The following DAAM1 variants were observed in gnomAD, a reference collection of about 807,000 sequenced individuals.
DAAM1 encodes the protein dishevelled associated activator of morphogenesis 1.
DAAM1 carries 52 observed loss-of-function variants against 130.0 expected under a neutral mutation model. The ratio of observed to expected loss-of-function variants is 0.40; its 90% CI spans 0.32 to 0.50. DAAM1 has a LOEUF of 0.50. Ranked by LOEUF, DAAM1 falls within the 20% of genes least tolerant of loss-of-function variation. The probability of loss-of-function intolerance (pLI) is 0.61; values close to 1 mark genes in which losing one functional copy is unlikely to be tolerated. For missense variants in DAAM1, 1,134 were observed against 1,303.8 expected, an observed-to-expected ratio of 0.87 and a Z score of 2.01; for synonymous variants, 452 against 444.5, an observed-to-expected ratio of 1.02 and a Z score of -0.21.
At chr14:59,281,320 C>T (rs1555360245) in intron 2 of DAAM1, among the ~76,000 whole-genome samples, 1 of 152,198 alleles carries the variant, frequency 6.6e-6, no homozygotes, top group Non-Finnish European at 1.5e-5. Flanking sequence ...CCCTTGCTCA[C>T]TACCCCCTTA....
At chr14:59,269,342 G>A (rs1370985317) in intron 2 of DAAM1, among the ~76,000 whole-genome samples, 2 of 152,204 alleles carry the variant, frequency 1.3e-5, no homozygotes, top group African/African-American at 4.8e-5. Flanking sequence ...AACATGCACA[G>A]CTCAGTACCT....
At chr14:59,198,745 C>T (rs1000851102) in intron 1 of DAAM1, among the ~76,000 whole-genome samples, 1 of 152,170 alleles carries the variant, frequency 6.6e-6, no homozygotes, top group Admixed American at 6.5e-5. Flanking sequence ...AGTGTTTAAT[C>T]ACACATGTTT....
intron 2 of DAAM1, among the ~76,000 whole-genome samples, chr14:59,269,334 C>G (rs781050959): frequency 6.6e-6 from 1 of 152,196 alleles, no homozygotes; most frequent in Non-Finnish European, 1.5e-5. Flanking sequence ...CTCTTGGGAA[C>G]ATGCACAGCT....
At chr14:59,190,449 G>A (rs1041595513) in intron 1 of DAAM1, among the ~76,000 whole-genome samples, 3 of 152,230 alleles carry the variant, frequency 2.0e-5, no homozygotes, top group African/African-American at 7.2e-5. Flanking sequence ...CATAAAGAGA[G>A]CTCTCTGGTC....
chr14:59,281,277 G>T (rs1594797522), intron 2 of DAAM1, among the ~76,000 whole-genome samples: 3 of 152,152 alleles, frequency 2.0e-5, no homozygotes, highest in Non-Finnish European at 4.4e-5. Context: ...CTGTTCAGTA[G>T]ATAAGACACC....
intron 1 of DAAM1, among the ~76,000 whole-genome samples, chr14:59,234,591 C>G (rs1889229717): frequency 6.6e-6 from 1 of 152,146 alleles, no homozygotes; most frequent in African/African-American, 2.4e-5. Flanking sequence ...ATTTGACTTC[C>G]TCTCTTCCTA....
intron 21 of DAAM1, 25 bp downstream of exon 21, chr14:59,359,529 T>C: frequency 6.4e-7 from 1 of 1,564,114 alleles, no homozygotes; most frequent in Non-Finnish European, 8.8e-7. Context: ...TGAGTGTTAG[T>C]TTCTTAAATC....
chr14:59,244,588 A>G (rs1881280810), intron 1 of DAAM1, among the ~76,000 whole-genome samples: 6 of 152,204 alleles, frequency 3.9e-5, no homozygotes, highest in Admixed American at 3.3e-4. Flanking sequence ...ATGAATGGAA[A>G]TATACAAATT....
chr14:59,284,988 A>T (rs1313591289), intron 2 of DAAM1, among the ~76,000 whole-genome samples: 1 of 152,128 alleles, frequency 6.6e-6, no homozygotes, highest in Non-Finnish European at 1.5e-5. Context: ...CAGGGTAACC[A>T]TCCCTAAGAC....
intron 3 of DAAM1, chr14:59,299,816 A>G (rs1278267423): frequency 4.6e-5 from 7 of 152,126 alleles, no homozygotes; most frequent in Non-Finnish European, 1.5e-5. Flanking sequence ...AGAATTAAGG[A>G]ACACCCTTAA....
intron 1 of DAAM1, among the ~76,000 whole-genome samples, chr14:59,259,745 G>A (rs1172681567): frequency 6.6e-6 from 1 of 152,184 alleles, no homozygotes; most frequent in Non-Finnish European, 1.5e-5. Context: ...CCTGTGTTGG[G>A]TACAAGAATT....
chr14:59,207,251 T>A (rs1888287569), intron 1 of DAAM1, among the ~76,000 whole-genome samples: 2 of 152,218 alleles, frequency 1.3e-5, no homozygotes, highest in African/African-American at 4.8e-5. Flanking sequence ...ATCTTTTCTA[T>A]AGGCATGTAA....
intron 1 of DAAM1, among the ~76,000 whole-genome samples, chr14:59,224,348 G>A (rs1888870698): frequency 6.6e-6 from 1 of 152,148 alleles, no homozygotes; most frequent in Admixed American, 6.5e-5. Context: ...AGATATGGTG[G>A]GAATCATCAC....
At chr14:59,239,535 C>G (rs1469179038) in intron 1 of DAAM1, among the ~76,000 whole-genome samples, 1 of 152,158 alleles carries the variant, frequency 6.6e-6, no homozygotes, top group Non-Finnish European at 1.5e-5. Context: ...TAGCTTGATT[C>G]TTTTACCTGT....
intron 24 of DAAM1, among the ~76,000 whole-genome samples, chr14:59,368,102 A>G (rs1005120678): frequency 6.6e-6 from 1 of 152,160 alleles, no homozygotes; most frequent in Admixed American, 6.5e-5. Flanking sequence ...GGTGTGATAA[A>G]CCTTTAAAAA....
rs1882276102 is a variant in DAAM1, at chr14:59,263,507, T to C, written c.30T>C (p.Gly10=). 31 of 1,614,190 alleles carry C rather than the reference T, an allele frequency of 1.9e-5. No individual in the cohort carries two copies. Among genetic ancestry groups the C allele is most frequent in the Non-Finnish European group, 2.5e-5 (30 of 1,180,036 alleles). ...CCCCAAGAAAGAGAGGTGGACGAGGTATTTCATTCATCTTTTGCTGTTTCC... is the reference window on the plus strand; with the variant it reads ...CCCCAAGAAAGAGAGGTGGACGAGGCATTTCATTCATCTTTTGCTGTTTCC... MAPRKRGGR[G]ISFIFCCFRN... Residue 10 remains glycine (G), a synonymous_variant, in exon 2 of 25, where the codon GGT becomes GGC. Transcript: ENST00000360909.
In DAAM1 at chr14:59,353,001, A is replaced by G. The variant is rs1594844773; in HGVS notation, c.2267+369A>G. Among the ~76,000 whole-genome samples, 3 of 152,152 alleles carry G rather than the reference A, an allele frequency of 2.0e-5. No individual in the cohort carries two copies. The East Asian group carries it at 5.8e-4, about 29-fold the overall frequency. ...AAGGTGGTTGTAAAACAAAAAAAAA[A>G]AAAAGAAAAAAAAATATATGGACAG... is the stretch of plus-strand genomic sequence containing the variant. On this transcript the variant is annotated intron_variant, in intron 18 of 24. Coordinates refer to ENST00000360909, the MANE Select transcript of DAAM1 (RefSeq NM_001270520.2).
intron 17 of DAAM1, among the ~76,000 whole-genome samples, chr14:59,350,374 C>G (rs535870296): frequency 1.3e-5 from 2 of 152,152 alleles, no homozygotes; most frequent in African/African-American, 4.8e-5. Flanking sequence ...CCCCTACATA[C>G]AGCATCTGCA....
chr14:59,277,488 C>A (rs1040399140), intron 2 of DAAM1, among the ~76,000 whole-genome samples: 5 of 150,926 alleles, frequency 3.3e-5, no homozygotes, highest in Non-Finnish European at 7.4e-5. Flanking sequence ...AAAAAAAAAT[C>A]TTTTCTCCAA....
Sources: allele counts gnomAD v4.1 joint callset (sites outside exome capture counted in the v4.1 genomes callset), GRCh38; gene constraint gnomAD v4.1.1; transcripts MANE v1.5; gene names NCBI Gene and HGNC (gene_info 2026-07-23, HGNC 2026-07-21).